Variants in KAZALD1 observed in about 807,000 individuals in gnomAD.
KAZALD1 encodes the protein kazal-type serine protease inhibitor domain-containing protein 1.
KAZALD1 carries 31 observed loss-of-function variants against 27.7 expected under a neutral mutation model. The ratio of observed to expected loss-of-function variants is 1.12; its 90% CI spans 0.84 to 1.51. The LOEUF (loss-of-function observed/expected upper bound fraction) is 1.51, where lower values mean the gene tolerates loss of function less well. KAZALD1 is among the 40% of genes most tolerant of loss of function. KAZALD1 has a pLI of 0.00. For missense variants in KAZALD1, 444 were observed against 408.9 expected, an observed-to-expected ratio of 1.09 and a Z score of -0.74; for synonymous variants, 179 against 182.0, an observed-to-expected ratio of 0.98 and a Z score of 0.13.
At position 101,066,560 on chromosome 10, in the gene KAZALD1, T is replaced by TGG; in HGVS notation, c.*1643_*1644dup. 1 of 353,120 alleles carries TGG rather than the reference T, an allele frequency of 2.8e-6. No homozygotes were observed. The highest frequency in any genetic ancestry group is 5.8e-6 in the Non-Finnish European group (1 of 171,262). 21.9% of individuals were successfully genotyped at this position (353,120 alleles called of 1,614,324 possible). A position where few individuals can be genotyped will look rare whatever the true frequency, so the allele number is the denominator to read the frequency against. On this transcript the variant is annotated 3_prime_UTR_variant, in exon 5 of 5. Coordinates refer to ENST00000370200, the MANE Select transcript of KAZALD1 (RefSeq NM_030929.5). Reference sequence around the variant, plus strand: ...GCAGAATCAGAGGGGTAGGCGGGGGTGGGGCGTGCTGTTCGGCGCTGTGGC... The same window carrying TGG: ...GCAGAATCAGAGGGGTAGGCGGGGGTGGGGGGCGTGCTGTTCGGCGCTGTGGC...
In KAZALD1 at chr10:101,064,812, A is replaced by G. The variant is rs1233115940; in HGVS notation, c.821-14A>G. 6.2e-7 allele frequency: 1 copy of G among 1,613,456 alleles called. No individual in the cohort carries two copies. The highest frequency in any genetic ancestry group is 1.1e-5 in the South Asian group (1 of 91,074). On this transcript the variant is annotated splice_polypyrimidine_tract_variant and intron_variant, in intron 4 of 4. Transcript: ENST00000370200. The stretch of plus-strand genomic sequence containing the variant: ...CTCTCCTGTTCTCTCTTCTTTGCCC[A>G]TGTGTGTTTGCAGACCAGCTGAACT...
intron 2 of KAZALD1, among the ~76,000 whole-genome samples, chr10:101,063,339 C>T (rs1675313115): frequency 6.6e-6 from 1 of 152,146 alleles, no homozygotes; most frequent in African/African-American, 2.4e-5. Context: ...GCTGCATTCG[C>T]TGAACCACGT....
Position 101,064,490 on chromosome 10 carries a change from C to A in KAZALD1, c.673-11C>A. ...CCAGAAGGACCCTGCTGATTCCTTG[C>A]CTGGCTCCAGTTTAGGGGTGGACCC... On this transcript the variant is annotated splice_polypyrimidine_tract_variant and intron_variant, in intron 3 of 4. Transcript: ENST00000370200. 1 of 1,614,174 alleles carries A rather than the reference C, an allele frequency of 6.2e-7. No individual in the cohort carries two copies. Among genetic ancestry groups the A allele is most frequent in the Non-Finnish European group, 8.5e-7 (1 of 1,180,026 alleles).
chr10:101,062,458 T>A, intron 1 of KAZALD1, 84 bp from the exon 2 acceptor site: 3 of 1,364,364 alleles, frequency 2.2e-6, no homozygotes, highest in Non-Finnish European at 2.9e-6. Flanking sequence ...GCTAGTGTCA[T>A]GCTTTGGTAC....
In KAZALD1 at chr10:101,064,520, G is replaced by T. The variant is rs1257147034; in HGVS notation, c.692G>T (p.Arg231Met). 2 of 1,614,094 alleles carry T rather than the reference G, an allele frequency of 1.2e-6. No homozygotes were observed. The highest frequency in any genetic ancestry group is 1.7e-6 in the Non-Finnish European group (2 of 1,180,052). ...ISVQFRGGPQ[R>M]FEVTGWLQIQ... ...CTCCAGTTTAGGGGTGGACCCCAGA[G>T]GTTTGAGGTGACTGGCTGGCTGCAG... Residue 231 changes from arginine (R) to methionine (M), a missense_variant, in exon 4 of 5, where the codon AGG becomes ATG. Coordinates refer to ENST00000370200, the MANE Select transcript of KAZALD1 (RefSeq NM_030929.5).
In KAZALD1 at chr10:101,064,332, G is replaced by A; in HGVS notation, c.583G>A (p.Val195Met). The change falls in exon 3 of 5, where the codon GTG becomes ATG. Residue 195 changes from valine to methionine, a missense_variant. Physicochemically the swap from Val to Met is conservative, Grantham distance 21. Transcript: ENST00000370200. ...TGQDVIFGCE[V>M]FAYPMASIEW... ...GCAGGATGTGATCTTTGGCTGTGAA[G>A]TGTTTGCCTACCCCATGGCCTCCAT... 1 of 1,614,230 alleles carries A rather than the reference G, an allele frequency of 6.2e-7. No individual in the cohort carries two copies. The highest frequency in any genetic ancestry group is 8.5e-7 in the Non-Finnish European group (1 of 1,180,044).
In KAZALD1 at chr10:101,065,650, A is replaced by T. The variant is rs1354123181; in HGVS notation, c.*730A>T. The T allele has an allele frequency of 1.3e-5, 2 of 152,250 alleles. No individual in the cohort carries two copies. Among genetic ancestry groups the T allele is most frequent in the African/African-American group, 4.8e-5 (2 of 41,448 alleles). 9.4% of individuals were successfully genotyped at this position (152,250 alleles called of 1,614,324 possible). ...TATCCCTGGGAGGCCTCCCACACTA[A>T]CAGAACTCTGGCTTCCAGAAGCTGC... is the stretch of plus-strand genomic sequence containing the variant. On this transcript the variant is annotated 3_prime_UTR_variant, in exon 5 of 5. Transcript: ENST00000370200.
Position 101,064,606 on chromosome 10 carries a change from G to A in KAZALD1, c.778G>A (p.Gly260Ser). The change falls in exon 4 of 5, where the codon GGT becomes AGT. Residue 260 changes from glycine to serine, a missense_variant. Coordinates refer to ENST00000370200, the MANE Select transcript of KAZALD1 (RefSeq NM_030929.5). ...TYRCLGRNAL[G>S]QVEAPASLTV... ...CCGCTGCCTTGGCCGCAATGCCCTG[G>A]GTCAAGTGGAGGCCCCTGCTAGCTT... is the stretch of plus-strand genomic sequence containing the variant. 6.2e-7 allele frequency: 1 copy of A among 1,613,898 alleles called. No homozygotes were observed. Among genetic ancestry groups the A allele is most frequent in the South Asian group, 1.1e-5 (1 of 91,074 alleles).
At position 101,062,029 on chromosome 10, in the gene KAZALD1, G is replaced by A; in HGVS notation, c.-138G>A. On this transcript the variant is annotated 5_prime_UTR_variant, in exon 1 of 5. Coordinates refer to ENST00000370200, the MANE Select transcript of KAZALD1 (RefSeq NM_030929.5). Reference sequence around the variant, plus strand: ...GGAGCAGAGGTGGCCGGCGGGCCCGGCTGACTGCGCCTCTGCTTTCTTTCC... The same window carrying A: ...GGAGCAGAGGTGGCCGGCGGGCCCGACTGACTGCGCCTCTGCTTTCTTTCC... The A allele has an allele frequency of 6.5e-6, 1 of 153,564 alleles. No homozygotes were observed. The highest frequency in any genetic ancestry group is 1.5e-5 in the Non-Finnish European group (1 of 68,756). The allele number at this position is 153,564 out of a possible 1,614,324, so 9.5% of individuals were successfully genotyped here. A position where few individuals can be genotyped will look rare whatever the true frequency, so the allele number is the denominator to read the frequency against.
chr10:101,067,861 C>G (rs1233221943), downstream of KAZALD1: 1 of 468,498 alleles, frequency 2.1e-6, no homozygotes, highest in Non-Finnish European at 4.4e-6. Context: ...GACTGCAGAC[C>G]TTGGGGACCG....
chr10:101,063,028 T>G lies in KAZALD1; in HGVS notation c.436T>G (p.Cys146Gly). 3 of 1,589,158 alleles carry G rather than the reference T, an allele frequency of 1.9e-6. No individual in the cohort carries two copies. The highest frequency in any genetic ancestry group is 1.7e-6 in the Non-Finnish European group (2 of 1,171,640). ...CGACGGTCACACCTACTCCCAGATCTGCCGCCTGCAGGAGGCGGCCCGCGC... is the reference window on the plus strand; with the variant it reads ...CGACGGTCACACCTACTCCCAGATCGGCCGCCTGCAGGAGGCGGCCCGCGC... ...GSDGHTYSQICRLQEAARARP... is the reference protein window; with the variant it reads ...GSDGHTYSQIGRLQEAARARP... The change falls in exon 2 of 5, where the codon TGC becomes GGC. Residue 146 changes from cysteine to glycine, a missense_variant. By Grantham distance (159) the Cys-to-Gly change is radical. Coordinates refer to ENST00000370200, the MANE Select transcript of KAZALD1 (RefSeq NM_030929.5).
Position 101,063,026 on chromosome 10 carries a change from T to C in KAZALD1, c.434T>C (p.Ile145Thr), listed in dbSNP as rs757536751. 6.3e-7 allele frequency: 1 copy of C among 1,589,882 alleles called. No homozygotes were observed. Among genetic ancestry groups the C allele is most frequent in the Non-Finnish European group, 8.5e-7 (1 of 1,172,098 alleles). The change falls in exon 2 of 5, where the codon ATC becomes ACC. Residue 145 changes from isoleucine (I) to threonine (T), a missense_variant. Ile to Thr is a moderately conservative substitution (Grantham distance 89). Transcript: ENST00000370200. Reference protein sequence around the residue: ...CGSDGHTYSQICRLQEAARAR... With the variant: ...CGSDGHTYSQTCRLQEAARAR... ...TCCGACGGTCACACCTACTCCCAGA[T>C]CTGCCGCCTGCAGGAGGCGGCCCGC...
In KAZALD1 at chr10:101,064,287, G is replaced by T. The variant is rs1387017328; in HGVS notation, c.538G>T (p.Asp180Tyr). Residue 180 changes from aspartate (D) to tyrosine (Y), a missense_variant, in exon 3 of 5, where the codon GAC becomes TAC. By Grantham distance (160) the Asp-to-Tyr change is radical (BLOSUM62 -3). Coordinates refer to ENST00000370200, the MANE Select transcript of KAZALD1 (RefSeq NM_030929.5). ...GCCCCAGATCGTGTCACATCCATAT[G>T]ACACTTGGAATGTGACAGGGCAGGA... is the stretch of plus-strand genomic sequence containing the variant. The part of the protein sequence containing the change: ...SGPQIVSHPY[D>Y]TWNVTGQDVI... 5 of 1,614,138 alleles carry T rather than the reference G, an allele frequency of 3.1e-6. No individual in the cohort carries two copies. The Admixed American group carries it at 8.3e-5, about 27-fold the overall frequency.
intron 1 of KAZALD1, 133 bp from the exon 2 acceptor site, chr10:101,062,409 T>G: frequency 7.6e-6 from 6 of 791,000 alleles, no homozygotes; most frequent in Non-Finnish European, 1.2e-5. Context: ...TAGGCCTGTG[T>G]GTTGGGGGAG....
At chr10:101,067,381 G>T (rs1939351471), downstream of KAZALD1, 2 of 448,968 alleles carry the variant, frequency 4.5e-6, no homozygotes, top group Non-Finnish European at 9.0e-6. Context: ...GAAATCCCTG[G>T]AATGCGCTTT....
chr10:101,063,738 A>T (rs1028279871), intron 2 of KAZALD1, among the ~76,000 whole-genome samples: 2 of 150,374 alleles, frequency 1.3e-5, no homozygotes, highest in Non-Finnish European at 3.0e-5. Context: ...AATTTCCTCC[A>T]CTCCTGCAGG....
At position 101,066,931 on chromosome 10, in the gene KAZALD1, C is replaced by T. The variant is rs933258984; in HGVS notation, c.*2011C>T. The T allele has an allele frequency of 1.9e-5, 6 of 316,948 alleles. No homozygotes were observed. The highest frequency in any genetic ancestry group is 1.3e-4 in the African/African-American group (6 of 45,650). The allele number at this position is 316,948 out of a possible 1,614,324, so 19.6% of individuals were successfully genotyped here. ...AACTGTTGTCCACCGCCCCCTCCCT[C>T]CCCGCACCCCGCCTCTGCTGCAGCG... On this transcript the variant is annotated 3_prime_UTR_variant, in exon 5 of 5. Transcript: ENST00000370200.
intron 2 of KAZALD1, among the ~76,000 whole-genome samples, chr10:101,063,768 GTC>G (rs1476764595): frequency 6.6e-6 from 1 of 152,242 alleles, no homozygotes; most frequent in Non-Finnish European, 1.5e-5. Flanking sequence ...TGTCGCACAA[GTC>G]CAGCTTCAGG....
chr10:101,067,784 G>A, downstream of KAZALD1: 1 of 385,830 alleles, frequency 2.6e-6, no homozygotes, highest in South Asian at 2.0e-5. Context: ...GGAGCCCGAA[G>A]CTGGAGAGCG....
Sources: allele counts gnomAD v4.1 joint callset (sites outside exome capture counted in the v4.1 genomes callset), GRCh38; gene constraint gnomAD v4.1.1; transcripts MANE v1.5; gene names NCBI Gene and HGNC (gene_info 2026-07-23, HGNC 2026-07-21).